Variants in AGAP1 observed in about 807,000 individuals in gnomAD.
AGAP1 encodes arf-GAP with GTPase, ANK repeat and PH domain-containing protein 1.
A neutral mutation model predicts 105.3 loss-of-function variants in AGAP1; 29 were observed. That is an observed-to-expected ratio of 0.28 (90% CI 0.21 to 0.38). The LOEUF (loss-of-function observed/expected upper bound fraction) is 0.38, where lower values mean the gene tolerates loss of function less well. Among genes scored for constraint, AGAP1 ranks in the 10% least tolerant of loss-of-function variants. The pLI is 1.00. For missense variants in AGAP1, 998 were observed against 1,165.1 expected (o/e 0.86, Z 2.09); for synonymous variants, 509 against 485.9 (o/e 1.05, Z -0.63).
intron 1 of AGAP1, among the ~76,000 whole-genome samples, chr2:235,543,677 A>T (rs1352558301): frequency 6.6e-6 from 1 of 152,216 alleles, no homozygotes; most frequent in East Asian, 1.9e-4. Flanking sequence ...TCACTCTCCA[A>T]GGATCTGTGT....
intron 1 of AGAP1, among the ~76,000 whole-genome samples, chr2:235,674,933 C>T (rs1489123490): frequency 1.3e-5 from 2 of 151,794 alleles, no homozygotes; most frequent in African/African-American, 2.4e-5. Flanking sequence ...TTGATCCACC[C>T]CCCTCGGTCT....
At chr2:235,718,505 T>G in intron 3 of AGAP1, 1 of 683,640 alleles carries the variant, frequency 1.5e-6, no homozygotes, top group Non-Finnish European at 1.8e-6. Context: ...CCATCCTGTT[T>G]TGTTTCATTT....
chr2:235,699,671 T>C (rs1250594793), intron 1 of AGAP1, among the ~76,000 whole-genome samples: 2 of 152,206 alleles, frequency 1.3e-5, no homozygotes, highest in Non-Finnish European at 2.9e-5. Flanking sequence ...GAAGCATTTT[T>C]GGTTTTGAGA....
At chr2:235,917,740 C>T (rs1290956825) in intron 11 of AGAP1, among the ~76,000 whole-genome samples, 1 of 152,170 alleles carries the variant, frequency 6.6e-6, no homozygotes, top group Non-Finnish European at 1.5e-5. Flanking sequence ...AAGGTTTGAT[C>T]TAATGGGCTC....
intron 1 of AGAP1, among the ~76,000 whole-genome samples, chr2:235,680,213 A>G (rs181485026): frequency 4.6e-5 from 7 of 152,348 alleles, no homozygotes; most frequent in African/African-American, 1.2e-4. Context: ...ATATATATTC[A>G]TAGAAGAGTG....
chr2:235,852,297 G>A (rs1307310459), intron 9 of AGAP1, among the ~76,000 whole-genome samples: 1 of 152,214 alleles, frequency 6.6e-6, no homozygotes, highest in Non-Finnish European at 1.5e-5. Flanking sequence ...GGGCCCGGGC[G>A]TGCATAATGC....
In AGAP1 at chr2:235,801,488, G is replaced by C. The variant is rs568260617; in HGVS notation, c.957+1966G>C. On this transcript the variant is annotated intron_variant, in intron 8 of 17. Transcript: ENST00000304032. The surrounding 1 kb of genome is among the most constrained non-coding windows in gnomAD (Gnocchi z 6.0). ...GCTTAAATTAGTGCATGGATAACAT[G>C]TTTTATTGGGCAGTTTCTTCACACA... 2.6e-5 allele frequency among the ~76,000 whole-genome samples: 4 copies of C among 152,210 alleles called. No individual in the cohort carries two copies. Among genetic ancestry groups the C allele is most frequent in the Non-Finnish European group, 1.5e-5 (1 of 68,010 alleles).
At chr2:235,597,320 A>G (rs1054802389) in intron 1 of AGAP1, among the ~76,000 whole-genome samples, 2 of 152,178 alleles carry the variant, frequency 1.3e-5, no homozygotes, top group Admixed American at 6.5e-5. Context: ...CTCTGCAAGC[A>G]CAGCTCCCAG....
At chr2:235,513,573 C>T (rs1006553892) in intron 1 of AGAP1, among the ~76,000 whole-genome samples, 2 of 152,094 alleles carry the variant, frequency 1.3e-5, no homozygotes, top group African/African-American at 4.8e-5. Flanking sequence ...GGGCTCCACC[C>T]CCAGAAGTTC....
chr2:236,100,147 C>T (rs909614611), intron 16 of AGAP1, among the ~76,000 whole-genome samples: 4 of 152,188 alleles, frequency 2.6e-5, no homozygotes, highest in African/African-American at 9.6e-5. Flanking sequence ...ATGCAGCCAG[C>T]GTTGGACTAG....
intron 1 of AGAP1, among the ~76,000 whole-genome samples, chr2:235,545,789 C>T (rs1000361173): frequency 3.3e-5 from 5 of 152,360 alleles, no homozygotes; most frequent in East Asian, 1.9e-4. Flanking sequence ...GAGCTGGATT[C>T]TGTCTTGGCT....
At chr2:235,681,812 C>T (rs1025974584) in intron 1 of AGAP1, among the ~76,000 whole-genome samples, 1 of 146,672 alleles carries the variant, frequency 6.8e-6, no homozygotes, top group Non-Finnish European at 1.5e-5. Context: ...GTGTGTATAC[C>T]TAAGTCCTAT....
Position 236,123,983 on chromosome 2 carries a change from C to A in AGAP1, c.2435C>A (p.Ala812Asp). The A allele has an allele frequency of 6.2e-7, 1 of 1,614,032 alleles. No individual in the cohort carries two copies. Among genetic ancestry groups the A allele is most frequent in the East Asian group, 2.2e-5 (1 of 44,884 alleles). ...GNTALAYARQ[A>D]SSQECIDVLL... ...ACAGCTCTGGCCTACGCCCGGCAGGCCTCCAGCCAGGAGTGCATCGACGTG... is the reference window on the plus strand; with the variant it reads ...ACAGCTCTGGCCTACGCCCGGCAGGACTCCAGCCAGGAGTGCATCGACGTG... The change falls in exon 18 of 18, where the codon GCC (alanine) becomes GAC (aspartate). Residue 812 changes from alanine to aspartate, a missense_variant. This residue lies in a region of AGAP1 where 235 missense variants were observed against 270.7 expected (regional missense o/e 0.87). Coordinates refer to ENST00000304032, the MANE Select transcript of AGAP1 (RefSeq NM_001037131.3). This position sits in a 1 kb window ranked among gnomAD's most constrained non-coding sequence, Gnocchi z 4.6.
rs1001503600 is a variant in AGAP1 at position 236,109,697 on chromosome 2, G to A, written c.2115-10495G>A. On this transcript the variant is annotated intron_variant, in intron 16 of 17. Coordinates refer to ENST00000304032, the MANE Select transcript of AGAP1 (RefSeq NM_001037131.3). The surrounding 1 kb of genome is among the most constrained non-coding windows in gnomAD (Gnocchi z 5.4). ...GCTCTGGACCGGCAGCCGTGGAAAC[G>A]TTCTGGATCCGAGCATCCCAGGGTA... 1.3e-5 allele frequency among the ~76,000 whole-genome samples: 2 copies of A among 152,244 alleles called. No homozygotes were observed. Among genetic ancestry groups the A allele is most frequent in the Non-Finnish European group, 2.9e-5 (2 of 68,048 alleles).
chr2:235,923,535 C>A (rs1355797296), intron 11 of AGAP1, among the ~76,000 whole-genome samples: 2 of 140,506 alleles, frequency 1.4e-5, no homozygotes, highest in African/African-American at 5.3e-5. Flanking sequence ...ACCCCACTCA[C>A]AAGGGTGACC....
intron 16 of AGAP1, among the ~76,000 whole-genome samples, chr2:236,100,784 C>G (rs1282174903): frequency 6.6e-6 from 1 of 150,760 alleles, no homozygotes; most frequent in Non-Finnish European, 1.5e-5. Context: ...GAGCCGAGAT[C>G]GTGTCACTGC....
intron 1 of AGAP1, among the ~76,000 whole-genome samples, chr2:235,512,063 A>G (rs1375165388): frequency 1.5e-5 from 2 of 137,026 alleles, no homozygotes; most frequent in Non-Finnish European, 3.1e-5. Context: ...GTGAATGCGT[A>G]TGTGTGAATG....
rs146501037 is a variant in AGAP1, at chr2:235,727,047, G to A, written c.310+9403G>A. On this transcript the variant is annotated intron_variant, in intron 3 of 17. Transcript: ENST00000304032. ...TCAGATGTGGTGAGGAGGGAAAGGT[G>A]AGGATTTTTGTCAATAGCTACAGCA... Among the ~76,000 whole-genome samples, 129 of 152,328 alleles carry A rather than the reference G, an allele frequency of 8.5e-4. 3 individuals are homozygous for A. The East Asian group carries it at 0.02, about 24-fold the overall frequency.
At chr2:235,589,144 C>A (rs1164460468) in intron 1 of AGAP1, among the ~76,000 whole-genome samples, 1 of 143,528 alleles carries the variant, frequency 7.0e-6, no homozygotes, top group East Asian at 2.1e-4. Flanking sequence ...AGCCCCGATG[C>A]TGGTAGAAAA....
Sources: allele counts gnomAD v4.1 joint callset (sites outside exome capture counted in the v4.1 genomes callset), GRCh38; gene constraint gnomAD v4.1.1; regional missense constraint gnomAD v4.1.1; non-coding constraint Gnocchi (gnomAD v3.1); transcripts MANE v1.5; gene names NCBI Gene and HGNC (gene_info 2026-07-23, HGNC 2026-07-21).